SUPT6H: variants seen among roughly 807,000 people sequenced by gnomAD.
SUPT6H encodes the protein SPT6 homolog, histone chaperone and transcription elongation factor.
In SUPT6H, 11 loss-of-function variants were observed where a neutral mutation model predicts 222.3. That is an observed-to-expected ratio of 0.05 (90% CI 0.03 to 0.08). SUPT6H has a LOEUF of 0.08. SUPT6H is among the 10% of genes least tolerant of loss of function. The pLI is 1.00. For missense variants in SUPT6H, 1,422 were observed against 2,216.0 expected (o/e 0.64, Z 7.19); for synonymous variants, 762 against 801.2 (o/e 0.95, Z 0.83).
At chr17:28,662,541 G>T (rs2072075572) in intron 1 of SUPT6H, among the ~76,000 whole-genome samples, 199 bp downstream of exon 1, 3 of 152,168 alleles carry the variant, frequency 2.0e-5, no homozygotes, top group African/African-American at 2.4e-5. Context: ...TCCCAGCCCA[G>T]TGACACCCGG....
chr17:28,684,223 T>A (rs2031267137), intron 17 of SUPT6H, among the ~76,000 whole-genome samples: 1 of 151,832 alleles, frequency 6.6e-6, no homozygotes, highest in African/African-American at 2.4e-5. Context: ...AAGGAACCCC[T>A]TAGGAATAGT....
chr17:28,697,811 C>T, intron 31 of SUPT6H, 78 bp downstream of exon 31: 7 of 1,606,714 alleles, frequency 4.4e-6, no homozygotes, highest in Non-Finnish European at 6.0e-6. Flanking sequence ...ATAGGGGACA[C>T]TCAGGCGGTG....
At position 28,690,219 on chromosome 17, in the gene SUPT6H, C is replaced by T. The variant is rs778477269; in HGVS notation, c.3480C>T (p.Thr1160=). The change falls in exon 26 of 37, where the codon ACC becomes ACT. Residue 1160 remains threonine, a synonymous_variant. Coordinates refer to ENST00000314616, the MANE Select transcript of SUPT6H (RefSeq NM_003170.5). ...TGTTAACCAAAGAAACACCAGAGAC[C>T]TTCTACATTGGTAAATTCTGGGGTC... is the stretch of plus-strand genomic sequence containing the variant. The part of the protein sequence containing the change: ...FNMLTKETPE[T]FYIGKLIICN... 2.9e-5 allele frequency: 46 copies of T among 1,613,796 alleles called. No individual in the cohort carries two copies. The highest frequency in any genetic ancestry group is 3.5e-5 in the Non-Finnish European group (41 of 1,179,922).
Position 28,686,322 on chromosome 17 carries a change from A to G in SUPT6H, c.2488-17A>G. ...ACATCCTCAGAGCCATTCAGCTTCA[A>G]TTTTCTTTCAATCCAGGCTCAAGAC... On this transcript the variant is annotated splice_polypyrimidine_tract_variant and intron_variant, in intron 19 of 36. Transcript: ENST00000314616. The G allele has an allele frequency of 6.2e-7, 1 of 1,613,314 alleles. No individual in the cohort carries two copies. Among genetic ancestry groups the G allele is most frequent in the Non-Finnish European group, 8.5e-7 (1 of 1,179,352 alleles).
chr17:28,683,214 TG>T, intron 15 of SUPT6H, 53 bp from the exon 16 acceptor site: 1 of 1,593,248 alleles, frequency 6.3e-7, no homozygotes, highest in Non-Finnish European at 8.6e-7. Context: ...TCTTTTCTCC[TG>T]GGGCCTGGCC....
At chr17:28,693,903 T>TG in intron 28 of SUPT6H, 67 bp downstream of exon 28, 1 of 1,604,006 alleles carries the variant, frequency 6.2e-7, no homozygotes. Context: ...CTCTTTAACT[T>TG]TGGGCTGTCC....
chr17:28,687,422 T>G lies in SUPT6H; in HGVS notation c.2957T>G (p.Ile986Ser). 6.2e-7 allele frequency: 1 copy of G among 1,614,190 alleles called. No individual in the cohort carries two copies. Among genetic ancestry groups the G allele is most frequent in the Non-Finnish European group, 8.5e-7 (1 of 1,180,040 alleles). The change falls in exon 23 of 37, where the codon ATC becomes AGC. Residue 986 changes from isoleucine (I) to serine (S), a missense_variant. Ile to Ser is a moderately radical substitution (Grantham distance 142). Transcript: ENST00000314616. Reference protein sequence around the residue: ...AIAHPYSQALIQYVCGLGPRK... With the variant: ...AIAHPYSQALSQYVCGLGPRK... ...GCCCACCCTTACAGCCAGGCCTTGA[T>G]CCAGTATGTTTGTGGCCTGGGACCT...
intron 1 of SUPT6H, among the ~76,000 whole-genome samples, chr17:28,669,474 T>C (rs565033131): frequency 4.6e-5 from 7 of 152,100 alleles, no homozygotes; most frequent in Admixed American, 1.3e-4. Flanking sequence ...GCCACAGCAC[T>C]CGGCCGAATA....
At chr17:28,667,464 T>C (rs1161236651) in intron 1 of SUPT6H, among the ~76,000 whole-genome samples, 2 of 141,790 alleles carry the variant, frequency 1.4e-5, no homozygotes, top group African/African-American at 2.6e-5. Flanking sequence ...CATATGTATG[T>C]ATATGTGTAT....
In SUPT6H at chr17:28,688,202, G is replaced by A. The variant is rs1229039549; in HGVS notation, c.3118G>A (p.Ala1040Thr). Residue 1040 changes from alanine (A) to threonine (T), a missense_variant, in exon 24 of 37, where the codon GCC becomes ACC. Around this residue, in one of 13 missense-constraint regions of SUPT6H, gnomAD observed 16 missense variants for 88.5 expected, o/e 0.18. Coordinates refer to ENST00000314616, the MANE Select transcript of SUPT6H (RefSeq NM_003170.5). This position sits in a 1 kb window ranked among gnomAD's most constrained non-coding sequence, Gnocchi z 4.3. ...NCAGFLKIDT[A>T]SLGDSTDSYI... ...TGCTGGCTTCCTCAAGATCGACACGGCCTCCCTGGGGGACAGGTGATGCCC... is the reference window on the plus strand; with the variant it reads ...TGCTGGCTTCCTCAAGATCGACACGACCTCCCTGGGGGACAGGTGATGCCC... 3.1e-6 allele frequency: 5 copies of A among 1,613,474 alleles called. No homozygotes were observed. Among genetic ancestry groups the A allele is most frequent in the Non-Finnish European group, 4.2e-6 (5 of 1,179,704 alleles).
Position 28,696,826 on chromosome 17 carries a change from C to T in SUPT6H, c.3971-18C>T. The T allele has an allele frequency of 6.2e-7, 1 of 1,612,310 alleles. No individual in the cohort carries two copies. Among genetic ancestry groups the T allele is most frequent in the Non-Finnish European group, 8.5e-7 (1 of 1,178,486 alleles). Reference sequence around the variant, plus strand: ...TAGCCCCATCACCCAGTCTGTACTGCTTTTCTGCCCTTTTCAGCATACATC... The same window carrying T: ...TAGCCCCATCACCCAGTCTGTACTGTTTTTCTGCCCTTTTCAGCATACATC... On this transcript the variant is annotated intron_variant, in intron 29 of 36. Transcript: ENST00000314616.
intron 32 of SUPT6H, 133 bp downstream of exon 32, chr17:28,698,163 T>TG (rs1405604077): frequency 6.1e-5 from 75 of 1,237,166 alleles, no homozygotes; most frequent in Non-Finnish European, 3.3e-5. Flanking sequence ...AGAACAGAGG[T>TG]GGAGGTTGGA....
rs1166594985 is a variant in SUPT6H at position 28,678,823 on chromosome 17, G to T, written c.1209G>T (p.Trp403Cys). ...ATTCCTGCCCTACTTCACCTTAGTG[G>T]ACCCAGCTGCGGATCCGTAAAGAGA... The part of the protein sequence containing the change: ...LWRVWQWDEK[W>C]TQLRIRKENL... The change falls in exon 11 of 37, where the codon TGG (tryptophan) becomes TGT (cysteine). Residue 403 changes from tryptophan to cysteine, a missense_variant and splice_region_variant. Physicochemically the swap from Trp to Cys is radical, Grantham distance 215. This residue lies in a region of SUPT6H where 389 missense variants were observed against 544.6 expected (regional missense o/e 0.71). Coordinates refer to ENST00000314616, the MANE Select transcript of SUPT6H (RefSeq NM_003170.5). 1 of 1,613,994 alleles carries T rather than the reference G, an allele frequency of 6.2e-7. No individual in the cohort carries two copies. The highest frequency in any genetic ancestry group is 1.3e-5 in the African/African-American group (1 of 74,884).
At position 28,674,957 on chromosome 17, in the gene SUPT6H, T is replaced by C; in HGVS notation, c.346-13T>C. On this transcript the variant is annotated splice_polypyrimidine_tract_variant and intron_variant, in intron 4 of 36. Transcript: ENST00000314616. Reference sequence around the variant, plus strand: ...TCCTCAGATCCTGATAAGGCAGGTTTTCCCACCCCTAGCAAAAGTACCGGC... The same window carrying C: ...TCCTCAGATCCTGATAAGGCAGGTTCTCCCACCCCTAGCAAAAGTACCGGC... 3 of 1,612,834 alleles carry C rather than the reference T, an allele frequency of 1.9e-6. No individual in the cohort carries two copies. Among genetic ancestry groups the C allele is most frequent in the Non-Finnish European group, 2.5e-6 (3 of 1,179,318 alleles).
Position 28,688,408 on chromosome 17 carries a change from A to G in SUPT6H, c.3134+190A>G. Reference sequence around the variant, plus strand: ...AAAGATCGGTTCAATCATGTGAAACATTTTTCGTGTGAGAGAAACATAAAA... The same window carrying G: ...AAAGATCGGTTCAATCATGTGAAACGTTTTTCGTGTGAGAGAAACATAAAA... On this transcript the variant is annotated intron_variant, in intron 24 of 36. Coordinates refer to ENST00000314616, the MANE Select transcript of SUPT6H (RefSeq NM_003170.5). The surrounding 1 kb of genome is among the most constrained non-coding windows in gnomAD (Gnocchi z 4.3). 1.9e-6 allele frequency: 1 copy of G among 529,172 alleles called. No individual in the cohort carries two copies. 32.8% of individuals were successfully genotyped at this position (529,172 alleles called of 1,614,324 possible).
At chr17:28,685,013 A>C in intron 19 of SUPT6H, 52 bp downstream of exon 19, 1 of 1,521,574 alleles carries the variant, frequency 6.6e-7, no homozygotes, top group Admixed American at 1.8e-5. Flanking sequence ...ATGTCTTATG[A>C]TTCAGTGGAG....
chr17:28,688,286 T>A lies in SUPT6H; in HGVS notation c.3134+68T>A, dbSNP rs958868194. ...GGGCTTTGTTTTCGGGTTTCAGGGG[T>A]TAGGGCTATCAAAGGGCCACAAGCC... On this transcript the variant is annotated intron_variant, in intron 24 of 36. Coordinates refer to ENST00000314616, the MANE Select transcript of SUPT6H (RefSeq NM_003170.5). This position sits in a 1 kb window ranked among gnomAD's most constrained non-coding sequence, Gnocchi z 4.3. The A allele has an allele frequency of 1.8e-5, 27 of 1,542,094 alleles. No homozygotes were observed. The Middle Eastern group carries it at 5.7e-4, about 32-fold the overall frequency.
chr17:28,684,308 C>T (rs1225108403), intron 17 of SUPT6H, among the ~76,000 whole-genome samples: 5 of 152,194 alleles, frequency 3.3e-5, no homozygotes, highest in Non-Finnish European at 7.3e-5. Flanking sequence ...GCCACAGGGA[C>T]CACCTCTAAG....
chr17:28,683,796 G>T lies in SUPT6H; in HGVS notation c.2209G>T (p.Ala737Ser), dbSNP rs376048316. The change falls in exon 17 of 37, where the codon GCC becomes TCC. Residue 737 changes from alanine to serine, a missense_variant. Coordinates refer to ENST00000314616, the MANE Select transcript of SUPT6H (RefSeq NM_003170.5). ...KELKNKLLAE[A>S]KEYVIKACSR... Reference sequence around the variant, plus strand: ...ACTCAAGAACAAGCTGCTGGCTGAAGCCAAGGAATATGTCATAAAGGTGAG... The same window carrying T: ...ACTCAAGAACAAGCTGCTGGCTGAATCCAAGGAATATGTCATAAAGGTGAG... 1.2e-5 allele frequency: 20 copies of T among 1,612,840 alleles called. No homozygotes were observed. In the Admixed American group the frequency reaches 3.2e-4, roughly 26 times the overall value.
Sources: allele counts gnomAD v4.1 joint callset (sites outside exome capture counted in the v4.1 genomes callset), GRCh38; gene constraint gnomAD v4.1.1; regional missense constraint gnomAD v4.1.1; non-coding constraint Gnocchi (gnomAD v3.1); transcripts MANE v1.5; gene names NCBI Gene and HGNC (gene_info 2026-07-23, HGNC 2026-07-21).